The following TPO variants were observed in gnomAD, a reference collection of about 807,000 sequenced individuals.
TPO encodes thyroid microsomal antigen.
In TPO, 78 loss-of-function variants were observed where a neutral mutation model predicts 96.9. The observed-to-expected ratio is 0.81, with a 90% CI of 0.67 to 0.97. TPO has a LOEUF of 0.97. Among genes scored for constraint, TPO ranks in the 50% least tolerant of loss-of-function variants. The pLI is 0.00. For synonymous variants in TPO, 547 were observed against 538.0 expected, an observed-to-expected ratio of 1.02 and a Z score of -0.23; for missense variants, 1,252 against 1,274.8, an observed-to-expected ratio of 0.98 and a Z score of 0.27.
intron 15 of TPO, among the ~76,000 whole-genome samples, chr2:1,518,421 G>GT (rs1382959283): frequency 6.6e-6 from 1 of 152,136 alleles, no homozygotes; most frequent in Non-Finnish European, 1.5e-5. Flanking sequence ...CTTTTCTGTT[G>GT]TTTTTATTTT....
At chr2:1,489,827 C>G (rs975251014) in intron 10 of TPO, among the ~76,000 whole-genome samples, 1 of 152,222 alleles carries the variant, frequency 6.6e-6, no homozygotes, top group Non-Finnish European at 1.5e-5. Flanking sequence ...CTTAATTAAC[C>G]TGTGGGGTTC....
intron 8 of TPO, among the ~76,000 whole-genome samples, chr2:1,479,194 G>A (rs533593835): frequency 3.3e-5 from 5 of 152,344 alleles, no homozygotes; most frequent in Admixed American, 2.0e-4. Flanking sequence ...GGCCACACGC[G>A]TGGGGAGGCA....
chr2:1,492,623 G>A lies in TPO; in HGVS notation c.1769-1179G>A, dbSNP rs28911492. Among the ~76,000 whole-genome samples, 1,011 of 152,228 alleles carry A rather than the reference G, an allele frequency of 6.6e-3. 8 individuals carry two copies. Among genetic ancestry groups the A allele is most frequent in the African/African-American group, 0.023 (968 of 41,540 alleles). On this transcript the variant is annotated intron_variant, in intron 10 of 16. Transcript: ENST00000329066. ...GGAGGATGCCTGGCTATTTCTCCCA[G>A]TTCTGTTTGGTCTAAACATGAGACA...
intron 14 of TPO, among the ~76,000 whole-genome samples, chr2:1,506,645 C>T (rs539946541): frequency 3.5e-4 from 54 of 152,310 alleles, no homozygotes; most frequent in African/African-American, 1.1e-3. Context: ...TGATGGTGAG[C>T]ATTTTTTCAT....
chr2:1,420,988 C>T (rs1285215512), intron 2 of TPO, among the ~76,000 whole-genome samples: 4 of 151,766 alleles, frequency 2.6e-5, no homozygotes, highest in Admixed American at 1.3e-4. Flanking sequence ...AGGAGGATGG[C>T]GTGACTCAGG....
chr2:1,447,963 C>T (rs2148557002), intron 5 of TPO, among the ~76,000 whole-genome samples: 1 of 152,282 alleles, frequency 6.6e-6, no homozygotes, highest in Middle Eastern at 3.4e-3. Context: ...CACAGGGACC[C>T]AGCAGACATC....
intron 10 of TPO, among the ~76,000 whole-genome samples, chr2:1,493,212 G>A (rs28911496): frequency 1.6e-5 from 2 of 127,240 alleles, no homozygotes; most frequent in South Asian, 3.1e-4. Flanking sequence ...GAGTGGGTGG[G>A]GGGGGGGGTG....
chr2:1,530,167 A>C (rs1360779719), intron 15 of TPO, among the ~76,000 whole-genome samples: 1 of 78,060 alleles, frequency 1.3e-5, no homozygotes, highest in Admixed American at 1.7e-4. Context: ...CAACCTCCTC[A>C]AATCCCCCCA....
At chr2:1,499,395 A>G (rs1189501497) in intron 13 of TPO, among the ~76,000 whole-genome samples, 3 of 152,180 alleles carry the variant, frequency 2.0e-5, no homozygotes, top group Admixed American at 2.0e-4. Flanking sequence ...TTTTTAGTCC[A>G]ACAATTAACA....
At chr2:1,443,623 AAGGGAACGGG>A in intron 5 of TPO, among the ~76,000 whole-genome samples, 1 of 135,524 alleles carries the variant, frequency 7.4e-6, no homozygotes, top group African/African-American at 2.9e-5. Context: ...ACCATGTTGG[AAGGGAACGGG>A]GCAGGCTCGT....
intron 15 of TPO, among the ~76,000 whole-genome samples, chr2:1,539,997 A>AAC (rs1680542569): frequency 6.6e-6 from 1 of 152,172 alleles, no homozygotes; most frequent in South Asian, 2.1e-4. Flanking sequence ...AGTATTTGTG[A>AAC]TGTATTTCCG....
intron 15 of TPO, among the ~76,000 whole-genome samples, chr2:1,529,696 C>T (rs1573588462): frequency 8.4e-6 from 1 of 119,642 alleles, no homozygotes; most frequent in African/African-American, 3.4e-5. Context: ...TCAAATCCCC[C>T]CACTGCGTGC....
In TPO at chr2:1,402,281, A is replaced by G. The variant is rs62105597; in HGVS notation, n.180+27879A>G. On this transcript the variant is annotated intron_variant and non_coding_transcript_variant, in intron 1 of 5. Transcript: ENST00000497517. The stretch of plus-strand genomic sequence containing the variant: ...GAGGACTCCCTGACTCTGGGGGCAG[A>G]TAGTGAAAGAGGAAGAGTACCCCCT... 7.4e-3 allele frequency among the ~76,000 whole-genome samples: 1,126 copies of G among 152,294 alleles called. 7 individuals carry two copies. Among genetic ancestry groups the G allele is most frequent in the Non-Finnish European group, 0.012 (831 of 68,028 alleles).
chr2:1,521,703 C>T (rs1424296659), intron 15 of TPO, among the ~76,000 whole-genome samples: 1 of 152,028 alleles, frequency 6.6e-6, no homozygotes, highest in Non-Finnish European at 1.5e-5. Context: ...ATGGGGGATC[C>T]GAACCTGTTG....
chr2:1,454,382 T>C (rs145450319), intron 6 of TPO, among the ~76,000 whole-genome samples: 2 of 152,348 alleles, frequency 1.3e-5, no homozygotes, highest in African/African-American at 4.8e-5. Flanking sequence ...GTGGATGTTC[T>C]GTTTAGCCCA....
In TPO at chr2:1,484,516, A is replaced by G. The variant is rs28910611; in HGVS notation, c.1339-80A>G. Reference sequence around the variant, plus strand: ...CAGTTCCCTGGGGCTGTCAAGGAAGATGCTCTTCCACACTGCCGCTCGAGG... The same window carrying G: ...CAGTTCCCTGGGGCTGTCAAGGAAGGTGCTCTTCCACACTGCCGCTCGAGG... On this transcript the variant is annotated intron_variant, in intron 8 of 16. Transcript: ENST00000329066. 1,759 of 1,589,312 alleles carry G rather than the reference A, an allele frequency of 1.1e-3. 21 individuals are homozygous for G. The African/African-American group carries it at 0.021, about 19-fold the overall frequency.
At chr2:1,469,674 G>A (rs1044980433) in intron 7 of TPO, among the ~76,000 whole-genome samples, 7 of 152,046 alleles carry the variant, frequency 4.6e-5, no homozygotes, top group East Asian at 3.9e-4. Flanking sequence ...TATTCCACTC[G>A]GCTCTCTAAA....
chr2:1,478,003 C>T (rs1203505473), intron 8 of TPO: 2 of 985,408 alleles, frequency 2.0e-6, no homozygotes, highest in South Asian at 9.4e-5. Flanking sequence ...TTACAGATTT[C>T]AACTCATTTA....
At chr2:1,437,765 C>T (rs1196749230) in intron 5 of TPO, among the ~76,000 whole-genome samples, 2 of 152,168 alleles carry the variant, frequency 1.3e-5, no homozygotes, top group African/African-American at 4.8e-5. Flanking sequence ...GAAGAGGCAG[C>T]CTGTGCTGAA....
Sources: gnomAD v4.1 joint callset for allele counts (sites outside exome capture counted in the v4.1 genomes callset) on GRCh38, gnomAD v4.1.1 for gene constraint, MANE v1.5 for transcripts, NCBI Gene and HGNC (gene_info 2026-07-23, HGNC 2026-07-21) for gene names.